CACNB4: variants seen among roughly 807,000 people sequenced by gnomAD.
CACNB4 encodes voltage-dependent L-type calcium channel subunit beta-4.
CACNB4 carries 32 observed loss-of-function variants against 71.2 expected under a neutral mutation model. The ratio of observed to expected loss-of-function variants is 0.45; its 90% confidence interval spans 0.34 to 0.60. The LOEUF (loss-of-function observed/expected upper bound fraction) is 0.60. Among genes scored for constraint, CACNB4 ranks in the 20% least tolerant of loss-of-function variants. The pLI is 0.01. For missense variants in CACNB4, 464 were observed against 647.9 expected, an observed-to-expected ratio of 0.72 and a Z score of 3.08; for synonymous variants, 231 against 236.9, an observed-to-expected ratio of 0.97 and a Z score of 0.23.
intron 2 of CACNB4, among the ~76,000 whole-genome samples, chr2:152,061,896 C>T (rs920107751): frequency 6.6e-6 from 1 of 151,814 alleles, no homozygotes; most frequent in Non-Finnish European, 1.5e-5. Flanking sequence ...CCTGTAATCC[C>T]AGCTACTCGG....
intron 2 of CACNB4, among the ~76,000 whole-genome samples, chr2:151,888,774 G>T (rs2099850003): frequency 6.6e-6 from 1 of 152,126 alleles, no homozygotes; most frequent in Non-Finnish European, 1.5e-5. Context: ...TGCCTCATCT[G>T]CAAAATGAGA....
At chr2:151,996,119 G>A (rs142564947) in intron 2 of CACNB4, among the ~76,000 whole-genome samples, 9 of 152,276 alleles carry the variant, frequency 5.9e-5, no homozygotes, top group Non-Finnish European at 8.8e-5. Context: ...ATTCAAGAAC[G>A]GTATTGCCCG....
rs1222968724 is a variant in CACNB4 at position 151,839,167 on chromosome 2, G to A, written c.1515C>T (p.Asn505=). ...SYQDTYKPHR[N]RGSPGGYSHD... ...GGCTATATCCCCCAGGTGATCCTCGGTTCCTATGGGGTTTGTAAGTGTCCT... is the reference window on the plus strand; with the variant it reads ...GGCTATATCCCCCAGGTGATCCTCGATTCCTATGGGGTTTGTAAGTGTCCT... The change falls in exon 14 of 14, where the codon AAC becomes AAT. Residue 505 remains asparagine (N), a synonymous_variant. Coordinates refer to ENST00000539935, the MANE Select transcript of CACNB4 (RefSeq NM_000726.5). 12 of 1,613,646 alleles carry A rather than the reference G, an allele frequency of 7.4e-6. No homozygotes were observed. In the East Asian group the frequency reaches 2.7e-4, roughly 36 times the overall value.
At chr2:151,845,835 G>C (rs554357485) in intron 12 of CACNB4, among the ~76,000 whole-genome samples, 2 of 152,202 alleles carry the variant, frequency 1.3e-5, no homozygotes, top group Admixed American at 6.5e-5. Flanking sequence ...AAGTAAATAA[G>C]TAGTGAATAG....
chr2:151,980,632 C>CAA (rs1560106622), intron 2 of CACNB4, among the ~76,000 whole-genome samples: 9 of 152,304 alleles, frequency 5.9e-5, no homozygotes, highest in African/African-American at 2.2e-4. Flanking sequence ...GCTACCTTTG[C>CAA]ACTTTGGTTG....
At chr2:151,925,141 C>T (rs1324720812) in intron 2 of CACNB4, among the ~76,000 whole-genome samples, 1 of 152,220 alleles carries the variant, frequency 6.6e-6, no homozygotes, top group Non-Finnish European at 1.5e-5. Context: ...AGCCATTAAA[C>T]AGTGGTTAGT....
intron 2 of CACNB4, among the ~76,000 whole-genome samples, chr2:152,087,019 C>G (rs767466333): frequency 5.9e-5 from 9 of 152,148 alleles, no homozygotes; most frequent in Non-Finnish European, 1.0e-4. Flanking sequence ...GTAATCCCAG[C>G]TACTCGGGAG....
At chr2:152,014,054 C>T (rs1007932859) in intron 2 of CACNB4, among the ~76,000 whole-genome samples, 6 of 152,170 alleles carry the variant, frequency 3.9e-5, no homozygotes, top group African/African-American at 1.2e-4. Context: ...CCAAAAGAGT[C>T]CTTCTTAGCC....
chr2:151,963,729 A>T (rs1444541949), intron 2 of CACNB4, among the ~76,000 whole-genome samples: 1 of 152,140 alleles, frequency 6.6e-6, no homozygotes, highest in Non-Finnish European at 1.5e-5. Flanking sequence ...TGCTTCTAAG[A>T]AGCTGTTTTG....
At chr2:151,968,394 T>C (rs2099871694) in intron 2 of CACNB4, 1 of 152,318 alleles carries the variant, frequency 6.6e-6, no homozygotes, top group South Asian at 2.1e-4. Flanking sequence ...TAACTTAATG[T>C]TATGGATATC....
intron 9 of CACNB4, among the ~76,000 whole-genome samples, chr2:151,864,069 T>C (rs2151384839): frequency 6.6e-6 from 1 of 152,354 alleles, no homozygotes; most frequent in South Asian, 2.1e-4. Context: ...TTTTTTAACT[T>C]AAAGTGGTAT....
chr2:151,980,379 C>T (rs1359803316), intron 2 of CACNB4, among the ~76,000 whole-genome samples: 1 of 152,180 alleles, frequency 6.6e-6, no homozygotes. Context: ...GGACACATCA[C>T]ACCCCTTCCC....
At chr2:151,962,819 G>A (rs1024638634) in intron 2 of CACNB4, 2 of 152,142 alleles carry the variant, frequency 1.3e-5, no homozygotes, top group African/African-American at 4.8e-5. Context: ...AAGCAAATCT[G>A]GTCTACAAGT....
chr2:152,058,252 T>G (rs1431204817), intron 2 of CACNB4, among the ~76,000 whole-genome samples: 2 of 152,156 alleles, frequency 1.3e-5, no homozygotes, highest in African/African-American at 4.8e-5. Flanking sequence ...AACAGACTAA[T>G]ACAGTAAATT....
rs150571566 is a variant in CACNB4, at chr2:151,952,288, C to T, written c.148-68918G>A. Among the ~76,000 whole-genome samples the T allele has an allele frequency of 9.9e-5, 15 of 152,158 alleles. 1 individual carries two copies. In the East Asian group the frequency reaches 2.9e-3, roughly 29 times the overall value. Reference sequence around the variant, plus strand: ...GAAACAGTCCACGGCTCATAGAAAGCCTACAATGGGGAGTAATGATTTTGA... The same window carrying T: ...GAAACAGTCCACGGCTCATAGAAAGTCTACAATGGGGAGTAATGATTTTGA... On this transcript the variant is annotated intron_variant, in intron 2 of 13. Coordinates refer to ENST00000539935, the MANE Select transcript of CACNB4 (RefSeq NM_000726.5).
chr2:152,050,298 T>C (rs914079796), intron 2 of CACNB4, among the ~76,000 whole-genome samples: 2 of 152,192 alleles, frequency 1.3e-5, no homozygotes, highest in African/African-American at 2.4e-5. Context: ...CTGCTATTGA[T>C]GAAGCGGACA....
In CACNB4 at chr2:152,098,271, A is replaced by ACGGCGG; in HGVS notation, c.147+58_147+59insCCGCCG. The ACGGCGG allele has an allele frequency of 7.2e-7, 1 of 1,384,582 alleles. No individual in the cohort carries two copies. 85.8% of individuals were successfully genotyped at this position (1,384,582 alleles called of 1,614,324 possible). On this transcript the variant is annotated intron_variant, in intron 2 of 13. Coordinates refer to ENST00000539935, the MANE Select transcript of CACNB4 (RefSeq NM_000726.5). The surrounding 1 kb of genome is among the most constrained non-coding windows in gnomAD (Gnocchi z 5.3). The stretch of plus-strand genomic sequence containing the variant: ...CGTGTGGGCCACGGCCGGCTCCAGG[A>ACGGCGG]CCCCCGCGCCGCGCGCTCGGCCTCC...
chr2:151,872,289 TATTA>T (rs1195997810), intron 6 of CACNB4, 124 bp downstream of exon 6: 7 of 630,934 alleles, frequency 1.1e-5, no homozygotes, highest in Admixed American at 3.2e-5. Context: ...AGAAATGAAA[TATTA>T]ATTAGAGAAT....
At position 151,842,064 on chromosome 2, in the gene CACNB4, C is replaced by T. The variant is rs1553741699; in HGVS notation, c.1141G>A (p.Glu381Lys). 6.2e-7 allele frequency: 1 copy of T among 1,613,716 alleles called. No individual in the cohort carries two copies. The highest frequency in any genetic ancestry group is 1.7e-5 in the Admixed American group (1 of 60,004). ...PPEMFDVILD[E>K]NQLEDACEHL... is the part of the protein sequence containing the mutation. The stretch of plus-strand genomic sequence containing the variant: ...TCACATGCATCCTCAAGCTGATTTT[C>T]ATCCAATATAACATCAAACATTTCC... Residue 381 changes from glutamate (E) to lysine (K), a missense_variant, in exon 13 of 14, where the codon GAA becomes AAA. By Grantham distance (56) the Glu-to-Lys change is moderately conservative. Transcript: ENST00000539935.
Sources: allele counts gnomAD v4.1 joint callset (sites outside exome capture counted in the v4.1 genomes callset), GRCh38; gene constraint gnomAD v4.1.1; non-coding constraint Gnocchi (gnomAD v3.1); transcripts MANE v1.5; gene names NCBI Gene and HGNC (gene_info 2026-07-23, HGNC 2026-07-21).